The following JAK2 variants were observed in gnomAD, a reference collection of about 807,000 sequenced individuals.
JAK2 encodes tyrosine-protein kinase JAK2.
JAK2 carries 86 observed loss-of-function variants against 139.3 expected under a neutral mutation model. The ratio of observed to expected loss-of-function variants is 0.62; its 90% CI spans 0.52 to 0.74. The LOEUF (loss-of-function observed/expected upper bound fraction) is 0.74, where lower values mean the gene tolerates loss of function less well. JAK2 is among the 30% of genes least tolerant of loss of function. JAK2 has a pLI of 0.00. For missense variants in JAK2, 1,421 were observed against 1,360.3 expected (o/e 1.04, Z -0.70); for synonymous variants, 490 against 437.7 (o/e 1.12, Z -1.49).
chr9:5,014,836 T>C (rs1443953628), intron 2 of JAK2, among the ~76,000 whole-genome samples: 1 of 152,174 alleles, frequency 6.6e-6, no homozygotes, highest in Non-Finnish European at 1.5e-5. Context: ...CACCTACATA[T>C]GTGTTTCTCC....
chr9:5,118,629 A>C (rs1823382934), intron 22 of JAK2, among the ~76,000 whole-genome samples: 1 of 152,212 alleles, frequency 6.6e-6, no homozygotes, highest in Non-Finnish European at 1.5e-5. Flanking sequence ...ATTAAGCATA[A>C]ATTCTGTGTT....
At chr9:5,126,264 G>C in intron 23 of JAK2, 69 bp from the exon 24 acceptor site, 1 of 1,110,552 alleles carries the variant, frequency 9.0e-7, no homozygotes, top group East Asian at 2.5e-5. Context: ...CCATTGACTG[G>C]AGGAAATTGA....
intron 3 of JAK2, among the ~76,000 whole-genome samples, chr9:5,026,723 G>A (rs1455811260): frequency 1.3e-5 from 2 of 152,184 alleles, no homozygotes; most frequent in African/African-American, 4.8e-5. Context: ...GTGTGTACGT[G>A]TATGCGTATG....
intron 4 of JAK2, among the ~76,000 whole-genome samples, chr9:5,033,006 T>G (rs1563940780): frequency 6.6e-6 from 1 of 152,028 alleles, no homozygotes; most frequent in African/African-American, 2.4e-5. Flanking sequence ...GAAAAAAAAT[T>G]AGACAAATGG....
chr9:5,080,414 A>C (rs763830879), intron 17 of JAK2, 34 bp downstream of exon 17: 11 of 1,560,096 alleles, frequency 7.1e-6, no homozygotes, highest in Non-Finnish European at 9.6e-6. Context: ...GAATTACTCT[A>C]TCTCTGAACT....
chr9:5,112,258 C>T (rs374452229), intron 22 of JAK2: 3 of 256,124 alleles, frequency 1.2e-5, no homozygotes, highest in African/African-American at 4.6e-5. Context: ...ACCCTGAGGA[C>T]GGCCCTGCGG....
intron 22 of JAK2, chr9:5,113,445 A>C (rs968098044): frequency 1.6e-5 from 2 of 127,680 alleles, no homozygotes; most frequent in African/African-American, 2.7e-5. Flanking sequence ...AAAAAAAAAA[A>C]AAAACCCGGA....
chr9:4,998,909 C>T (rs1049580563), intron 2 of JAK2, among the ~76,000 whole-genome samples: 2 of 152,034 alleles, frequency 1.3e-5, no homozygotes, highest in African/African-American at 4.8e-5. Flanking sequence ...GCAAGCTCCG[C>T]CTCCCGGGTT....
intron 3 of JAK2, among the ~76,000 whole-genome samples, chr9:5,027,880 T>C (rs1298875152): frequency 1.3e-5 from 2 of 152,196 alleles, no homozygotes; most frequent in Non-Finnish European, 2.9e-5. Context: ...CTTCTAATTT[T>C]AGTTCTCTTG....
chr9:5,020,884 C>A (rs1370312979), intron 2 of JAK2, among the ~76,000 whole-genome samples: 1 of 152,074 alleles, frequency 6.6e-6, no homozygotes, highest in East Asian at 1.9e-4. Context: ...AGGAGGCATT[C>A]TGGTGTGGGT....
At chr9:5,031,534 TCTTA>T (rs199851171) in intron 4 of JAK2, among the ~76,000 whole-genome samples, 2,222 of 152,264 alleles carry the variant, frequency 0.015, 26 homozygotes, top group Non-Finnish European at 0.02. Flanking sequence ...AATTTTAGCT[TCTTA>T]CTTTATAATG....
chr9:5,065,024 T>A lies in JAK2; in HGVS notation c.1198T>A (p.Cys400Ser), dbSNP rs764899558. The A allele has an allele frequency of 1.3e-6, 2 of 1,590,084 alleles. No individual in the cohort carries two copies. Among genetic ancestry groups the A allele is most frequent in the Non-Finnish European group, 1.7e-6 (2 of 1,169,774 alleles). The change falls in exon 9 of 25, where the codon TGT becomes AGT. Residue 400 changes from cysteine to serine, a missense_variant. Transcript: ENST00000381652. ...PAVLENIQSNCHGPISMDFAI... is the reference protein window; with the variant it reads ...PAVLENIQSNSHGPISMDFAI... ...CGTGCTTGAAAATATACAAAGCAAC[T>A]GTCATGGCCCAATTTCGTGAGTAAT...
chr9:5,049,162 T>C lies in JAK2; in HGVS notation c.469-1524T>C, dbSNP rs7020860. Among the ~76,000 whole-genome samples the C allele has an allele frequency of 4.2e-3, 633 of 152,300 alleles. 4 individuals are homozygous for C. Among genetic ancestry groups the C allele is most frequent in the African/African-American group, 0.015 (608 of 41,568 alleles). On this transcript the variant is annotated intron_variant, in intron 5 of 24. Transcript: ENST00000381652. ...TCCTTATTATTTCGTATCTGAGCCA[T>C]ACACCAGCCTCTTAAAGAGCCTCCG...
At chr9:5,073,015 C>G (rs1324662102) in intron 13 of JAK2, among the ~76,000 whole-genome samples, 1 of 152,132 alleles carries the variant, frequency 6.6e-6, no homozygotes, top group Non-Finnish European at 1.5e-5. Flanking sequence ...TTAGTGAAAT[C>G]TAGATGCCTC....
chr9:5,096,498 G>A (rs911892321), intron 22 of JAK2, among the ~76,000 whole-genome samples: 3 of 152,122 alleles, frequency 2.0e-5, no homozygotes, highest in African/African-American at 7.2e-5. Flanking sequence ...CCCTCCATGT[G>A]GGGGGAGGGT....
At chr9:5,037,493 G>A (rs929250554) in intron 4 of JAK2, among the ~76,000 whole-genome samples, 2 of 152,196 alleles carry the variant, frequency 1.3e-5, no homozygotes, top group African/African-American at 4.8e-5. Flanking sequence ...TTAAGAAAAT[G>A]TGGCACATAT....
intron 2 of JAK2, among the ~76,000 whole-genome samples, chr9:4,993,438 C>G (rs904044589): frequency 2.0e-5 from 3 of 152,192 alleles, no homozygotes; most frequent in African/African-American, 7.2e-5. Context: ...TTTAGTTCAT[C>G]TCTCTGTTCT....
At chr9:5,116,547 A>C (rs1011031231) in intron 22 of JAK2, among the ~76,000 whole-genome samples, 1 of 152,164 alleles carries the variant, frequency 6.6e-6, no homozygotes, top group Non-Finnish European at 1.5e-5. Flanking sequence ...AGAATGAAAA[A>C]TTAAAGAGGT....
Position 5,120,777 on chromosome 9 carries a change from G to C in JAK2, c.3060-2227G>C, listed in dbSNP as rs983503535. On this transcript the variant is annotated intron_variant, in intron 22 of 24. Coordinates refer to ENST00000381652, the MANE Select transcript of JAK2 (RefSeq NM_004972.4). ...AAGCTATACTCTAAAGGGACTTAGTGGGTCATTAGACACTGGAGTGAAAGA... is the reference window on the plus strand; with the variant it reads ...AAGCTATACTCTAAAGGGACTTAGTCGGTCATTAGACACTGGAGTGAAAGA... 9.2e-5 allele frequency among the ~76,000 whole-genome samples: 14 copies of C among 152,300 alleles called. 1 individual carries two copies. Among genetic ancestry groups the C allele is most frequent in the African/African-American group, 2.9e-4 (12 of 41,570 alleles).
Sources: gnomAD v4.1 joint callset for allele counts (sites outside exome capture counted in the v4.1 genomes callset) on GRCh38, gnomAD v4.1.1 for gene constraint, MANE v1.5 for transcripts, NCBI Gene and HGNC (gene_info 2026-07-23, HGNC 2026-07-21) for gene names.